AKAP6: variants seen among roughly 807,000 people sequenced by gnomAD.
AKAP6 encodes A-kinase anchor protein 6.
Under a neutral mutation model 188.5 loss-of-function variants are expected in AKAP6, and 58 were observed. That is an observed-to-expected ratio of 0.31 (90% confidence interval 0.25 to 0.38). The LOEUF is 0.38. Ranked by LOEUF, AKAP6 falls within the 10% of genes least tolerant of loss-of-function variation. The pLI is 1.00. For missense variants in AKAP6, 2,710 were observed against 2,740.0 expected, an observed-to-expected ratio of 0.99 and a Z score of 0.24; for synonymous variants, 989 against 998.6, an observed-to-expected ratio of 0.99 and a Z score of 0.18.
intron 7 of AKAP6, among the ~76,000 whole-genome samples, chr14:32,608,840 C>G (rs1886236555): frequency 6.6e-6 from 1 of 152,074 alleles, no homozygotes; most frequent in Non-Finnish European, 1.5e-5. Flanking sequence ...ATAGAGTAAA[C>G]ACATTAGAAG....
intron 7 of AKAP6, among the ~76,000 whole-genome samples, chr14:32,654,856 A>G (rs1399196897): frequency 5.1e-5 from 1 of 19,696 alleles, no homozygotes; most frequent in South Asian, 4.0e-3. Context: ...CTCAGGAATA[A>G]AAAAAAAAAG....
At chr14:32,374,949 A>G (rs1195646663) in intron 1 of AKAP6, among the ~76,000 whole-genome samples, 2 of 152,234 alleles carry the variant, frequency 1.3e-5, no homozygotes, top group Non-Finnish European at 2.9e-5. Flanking sequence ...GTTTTAAGAT[A>G]TGAAAATAAG....
chr14:32,579,534 A>T (rs1199049524), intron 5 of AKAP6, among the ~76,000 whole-genome samples: 1 of 152,154 alleles, frequency 6.6e-6, no homozygotes, highest in Non-Finnish European at 1.5e-5. Context: ...AATGTCTAAC[A>T]GTTACTGAAG....
At chr14:32,630,646 GT>G (rs1887228227) in intron 7 of AKAP6, among the ~76,000 whole-genome samples, 1 of 152,028 alleles carries the variant, frequency 6.6e-6, no homozygotes, top group Non-Finnish European at 1.5e-5. Flanking sequence ...AGCCTCTAAT[GT>G]TCTTTGAAAT....
intron 4 of AKAP6, among the ~76,000 whole-genome samples, chr14:32,550,435 G>A (rs941350229): frequency 1.3e-5 from 2 of 152,212 alleles, no homozygotes; most frequent in African/African-American, 4.8e-5. Flanking sequence ...AGGCCAGCTG[G>A]AAATTGTTAA....
intron 2 of AKAP6, among the ~76,000 whole-genome samples, chr14:32,482,958 GGT>G (rs1396381170): frequency 7.6e-6 from 1 of 130,790 alleles, no homozygotes; most frequent in Admixed American, 9.2e-5. Flanking sequence ...TGGGTCAAAG[GGT>G]GTGTGTGTGT....
chr14:32,739,824 G>A (rs2031595906), intron 11 of AKAP6, among the ~76,000 whole-genome samples: 1 of 152,086 alleles, frequency 6.6e-6, no homozygotes, highest in South Asian at 2.1e-4. Flanking sequence ...GAATAGTGCT[G>A]CAACAAATAT....
At chr14:32,783,220 T>C (rs940439930) in intron 12 of AKAP6, among the ~76,000 whole-genome samples, 2 of 152,144 alleles carry the variant, frequency 1.3e-5, no homozygotes, top group African/African-American at 2.4e-5. Context: ...CAGACATAGA[T>C]TGATCCGTAT....
chr14:32,540,992 A>G (rs775257737), intron 3 of AKAP6, among the ~76,000 whole-genome samples: 1 of 152,166 alleles, frequency 6.6e-6, no homozygotes, highest in Non-Finnish European at 1.5e-5. Context: ...GTGCACCAAA[A>G]TCTCACACAT....
chr14:32,573,095 G>T (rs954729618), intron 4 of AKAP6, among the ~76,000 whole-genome samples: 3 of 152,144 alleles, frequency 2.0e-5, no homozygotes, highest in Non-Finnish European at 4.4e-5. Flanking sequence ...TGGACAGCTT[G>T]TCAGGGAGGC....
At chr14:32,489,575 A>G (rs1366603728) in intron 2 of AKAP6, among the ~76,000 whole-genome samples, 1 of 152,248 alleles carries the variant, frequency 6.6e-6, no homozygotes, top group African/African-American at 2.4e-5. Flanking sequence ...AAAACTTTAC[A>G]GAAAGCACCT....
intron 1 of AKAP6, among the ~76,000 whole-genome samples, chr14:32,381,581 A>G (rs1278711424): frequency 3.3e-5 from 5 of 152,204 alleles, no homozygotes; most frequent in Non-Finnish European, 1.5e-5. Context: ...GAAAAGAAAA[A>G]TAAGACTAAG....
chr14:32,454,777 TTCCC>T (rs1566512477), intron 2 of AKAP6, among the ~76,000 whole-genome samples: 1 of 6,032 alleles, frequency 1.7e-4, no homozygotes, highest in Non-Finnish European at 2.9e-4. Context: ...CCTTCCCTCC[TTCCC>T]TCCCTCCCTC....
chr14:32,645,654 C>T (rs1470487779), intron 7 of AKAP6, among the ~76,000 whole-genome samples: 2 of 152,116 alleles, frequency 1.3e-5, no homozygotes, highest in African/African-American at 4.8e-5. Context: ...GATGAGCTCA[C>T]ATGCCTCAAA....
rs1451222083 is a variant in AKAP6 at position 32,821,591 on chromosome 14, G to A, written c.3778G>A (p.Gly1260Ser). Reference sequence around the variant, plus strand: ...TGGAGAGACAAGTAATGAGGACCCTGGTTATGACGAGGAGGCTGATAACCA... The same window carrying A: ...TGGAGAGACAAGTAATGAGGACCCTAGTTATGACGAGGAGGCTGATAACCA... Reference protein sequence around the residue: ...KLGETSNEDPGYDEEADNHGG... With the variant: ...KLGETSNEDPSYDEEADNHGG... The change falls in exon 13 of 14, where the codon GGT becomes AGT. Residue 1260 changes from glycine (G) to serine (S), a missense_variant. This residue lies in a region of AKAP6 where 2,473 missense variants were observed against 2,426.1 expected (regional missense o/e 1.02). Coordinates refer to ENST00000280979, the MANE Select transcript of AKAP6 (RefSeq NM_004274.5). 4 of 1,613,628 alleles carry A rather than the reference G, an allele frequency of 2.5e-6. No homozygotes were observed. Among genetic ancestry groups the A allele is most frequent in the Non-Finnish European group, 8.5e-7 (1 of 1,179,832 alleles).
At chr14:32,686,752 G>A (rs1417306872) in intron 8 of AKAP6, among the ~76,000 whole-genome samples, 1 of 152,090 alleles carries the variant, frequency 6.6e-6, no homozygotes, top group Non-Finnish European at 1.5e-5. Flanking sequence ...AGATCATGGA[G>A]GTGATTTCTG....
At chr14:32,336,294 A>G (rs953320929) in intron 1 of AKAP6, among the ~76,000 whole-genome samples, 1 of 152,072 alleles carries the variant, frequency 6.6e-6, no homozygotes, top group African/African-American at 2.4e-5. Flanking sequence ...TTAGAAGCCT[A>G]AGAATAGAGT....
chr14:32,660,716 C>T (rs953635919), intron 7 of AKAP6, among the ~76,000 whole-genome samples: 4 of 151,908 alleles, frequency 2.6e-5, no homozygotes, highest in African/African-American at 7.3e-5. Flanking sequence ...CTATTTAAAA[C>T]GTGAGATTCT....
intron 5 of AKAP6, among the ~76,000 whole-genome samples, chr14:32,585,502 G>A (rs1885195711): frequency 6.6e-6 from 1 of 152,140 alleles, no homozygotes; most frequent in Non-Finnish European, 1.5e-5. Context: ...ATGTGTGTGT[G>A]TGTGTGTGTG....
Sources: gnomAD v4.1 joint callset for allele counts (sites outside exome capture counted in the v4.1 genomes callset) on GRCh38, gnomAD v4.1.1 for gene constraint, gnomAD v4.1.1 regional missense constraint, MANE v1.5 for transcripts, NCBI Gene and HGNC (gene_info 2026-07-23, HGNC 2026-07-21) for gene names.